The following CTNND2 variants were observed in gnomAD, a reference collection of about 807,000 sequenced individuals.
The protein encoded by CTNND2 is catenin delta 2.
CTNND2 carries 22 observed loss-of-function variants against 144.4 expected under a neutral mutation model. That is an observed-to-expected ratio of 0.15 (90% confidence interval 0.11 to 0.22). The LOEUF is 0.22. CTNND2 is among the 10% of genes least tolerant of loss of function. The pLI is 1.00. For missense variants in CTNND2, 1,353 were observed against 1,618.8 expected (o/e 0.84, Z 2.82); for synonymous variants, 751 against 695.6 (o/e 1.08, Z -1.25).
chr5:10,985,410 CT>C (rs1382491779), intron 20 of CTNND2, among the ~76,000 whole-genome samples: 2 of 152,178 alleles, frequency 1.3e-5, no homozygotes, highest in Non-Finnish European at 2.9e-5. Flanking sequence ...TTTTATGAGG[CT>C]TCATCCAAGC....
At chr5:11,818,172 G>GA (rs1793116549) in intron 1 of CTNND2, among the ~76,000 whole-genome samples, 1 of 151,664 alleles carries the variant, frequency 6.6e-6, no homozygotes, top group African/African-American at 2.4e-5. Flanking sequence ...TACACAGATG[G>GA]AAAAAAGGAC....
chr5:11,895,491 G>T (rs1737320582), intron 1 of CTNND2, among the ~76,000 whole-genome samples: 1 of 152,070 alleles, frequency 6.6e-6, no homozygotes, highest in African/African-American at 2.4e-5. Context: ...GATGAAGTTG[G>T]GATATGAACT....
intron 12 of CTNND2, among the ~76,000 whole-genome samples, chr5:11,142,104 C>T (rs766538526): frequency 1.1e-4 from 17 of 152,068 alleles, no homozygotes; most frequent in African/African-American, 1.9e-4. Flanking sequence ...CCTCCAGATA[C>T]GTAAGAAATA....
chr5:11,618,198 C>A (rs570546972), intron 2 of CTNND2, among the ~76,000 whole-genome samples: 5 of 151,958 alleles, frequency 3.3e-5, no homozygotes, highest in Non-Finnish European at 7.4e-5. Flanking sequence ...AATTACTGAC[C>A]CACAATCCCC....
At chr5:11,463,620 C>T (rs1341326066) in intron 3 of CTNND2, among the ~76,000 whole-genome samples, 1 of 151,710 alleles carries the variant, frequency 6.6e-6, no homozygotes, top group African/African-American at 2.4e-5. Flanking sequence ...ATGATAAATT[C>T]AAAGCACAAA....
chr5:11,556,424 A>G (rs1465100756), intron 3 of CTNND2, among the ~76,000 whole-genome samples: 2 of 152,296 alleles, frequency 1.3e-5, no homozygotes, highest in East Asian at 3.9e-4. Context: ...ATATTCCTAT[A>G]TTATTTATTT....
At chr5:11,272,237 C>G (rs916253107) in intron 9 of CTNND2, among the ~76,000 whole-genome samples, 1 of 152,056 alleles carries the variant, frequency 6.6e-6, no homozygotes, top group East Asian at 1.9e-4. Context: ...TTCATCTGAT[C>G]GCTCACCATC....
At chr5:11,792,507 G>T (rs566395644) in intron 1 of CTNND2, among the ~76,000 whole-genome samples, 2 of 152,286 alleles carry the variant, frequency 1.3e-5, no homozygotes, top group Admixed American at 1.3e-4. Context: ...ATAAGAAAGA[G>T]AAAAAGTCCT....
At chr5:11,760,331 G>T (rs940944885) in intron 1 of CTNND2, among the ~76,000 whole-genome samples, 1 of 151,996 alleles carries the variant, frequency 6.6e-6, no homozygotes, top group African/African-American at 2.4e-5. Context: ...ACAGGAGCCT[G>T]GGACCCTTCT....
chr5:11,768,336 C>A (rs1196732766), intron 1 of CTNND2, among the ~76,000 whole-genome samples: 1 of 151,840 alleles, frequency 6.6e-6, no homozygotes, highest in Non-Finnish European at 1.5e-5. Context: ...GTCACCCAGG[C>A]TGGAGTGCAG....
chr5:11,716,326 G>T (rs545006830), intron 2 of CTNND2, among the ~76,000 whole-genome samples: 6 of 152,248 alleles, frequency 3.9e-5, no homozygotes, highest in East Asian at 1.9e-4. Flanking sequence ...ATAATTGAGG[G>T]ATGTTAACAA....
At chr5:11,484,317 G>A (rs187746504) in intron 3 of CTNND2, among the ~76,000 whole-genome samples, 2 of 152,266 alleles carry the variant, frequency 1.3e-5, no homozygotes, top group East Asian at 1.9e-4. Flanking sequence ...ATTTGGCTCC[G>A]AATCTGCCCT....
chr5:11,582,112 T>A (rs1225945641), intron 2 of CTNND2, among the ~76,000 whole-genome samples: 1 of 152,154 alleles, frequency 6.6e-6, no homozygotes, highest in East Asian at 1.9e-4. Flanking sequence ...TTTCTGCTCA[T>A]CTGGTCTGCA....
chr5:11,486,232 G>A (rs1207250661), intron 3 of CTNND2, among the ~76,000 whole-genome samples: 1 of 152,186 alleles, frequency 6.6e-6, no homozygotes, highest in African/African-American at 2.4e-5. Context: ...CATACTAGGT[G>A]ATAATATCCA....
chr5:11,572,057 A>G (rs1777605113), intron 2 of CTNND2, among the ~76,000 whole-genome samples: 1 of 152,192 alleles, frequency 6.6e-6, no homozygotes, highest in South Asian at 2.1e-4. Context: ...GCAGGGGTTA[A>G]CACAAGGGTT....
At chr5:11,127,842 AG>A (rs1754835698) in intron 12 of CTNND2, among the ~76,000 whole-genome samples, 1 of 152,108 alleles carries the variant, frequency 6.6e-6, no homozygotes, top group African/African-American at 2.4e-5. Context: ...AAGAGATTTA[AG>A]ACTTTGAGAT....
intron 2 of CTNND2, among the ~76,000 whole-genome samples, chr5:11,713,540 C>T (rs913105011): frequency 6.3e-5 from 9 of 143,984 alleles, no homozygotes; most frequent in Admixed American, 1.4e-4. Flanking sequence ...GATTGCTCCA[C>T]GCCACTACAG....
chr5:11,900,190 A>C (rs1331835311), intron 1 of CTNND2, among the ~76,000 whole-genome samples: 2 of 152,206 alleles, frequency 1.3e-5, no homozygotes, highest in Non-Finnish European at 2.9e-5. Flanking sequence ...TTATTTAGTC[A>C]TTATTTCCAA....
Position 11,900,616 on chromosome 5 carries a change from T to C in CTNND2, c.37+3201A>G, listed in dbSNP as rs924057640. Among the ~76,000 whole-genome samples the C allele has an allele frequency of 2.0e-5, 3 of 152,234 alleles. No individual in the cohort carries two copies. The South Asian group carries it at 6.2e-4, about 31-fold the overall frequency. On this transcript the variant is annotated intron_variant, in intron 1 of 21. Coordinates refer to ENST00000304623, the MANE Select transcript of CTNND2 (RefSeq NM_001332.4). ...AACTTGAAGCTAGCAACAAGTATCATGAACTGTTCCTACTCAAATTAACTT... is the reference window on the plus strand; with the variant it reads ...AACTTGAAGCTAGCAACAAGTATCACGAACTGTTCCTACTCAAATTAACTT...
Sources: allele counts gnomAD v4.1 joint callset (sites outside exome capture counted in the v4.1 genomes callset), GRCh38; gene constraint gnomAD v4.1.1; transcripts MANE v1.5; gene names NCBI Gene and HGNC (gene_info 2026-07-23, HGNC 2026-07-21).